ZNF521: variants seen among roughly 807,000 people sequenced by gnomAD.
The protein encoded by ZNF521 is zinc finger protein 521.
In ZNF521, 14 loss-of-function variants were observed where a neutral mutation model predicts 105.5. That is an observed-to-expected ratio of 0.13 (90% CI 0.09 to 0.21). ZNF521 has a LOEUF of 0.21. ZNF521 is among the 10% of genes least tolerant of loss of function. ZNF521 has a pLI of 1.00. For synonymous variants in ZNF521, 635 were observed against 606.0 expected (o/e 1.05, Z -0.70); for missense variants, 1,233 against 1,629.7 (o/e 0.76, Z 4.19).
intron 3 of ZNF521, among the ~76,000 whole-genome samples, chr18:25,231,296 A>G (rs1041874124): frequency 6.6e-6 from 1 of 152,182 alleles, no homozygotes; most frequent in Non-Finnish European, 1.5e-5. Context: ...GCCTAAAAGG[A>G]CGAAACAACA....
At chr18:25,148,157 G>GA (rs1249060333) in intron 5 of ZNF521, among the ~76,000 whole-genome samples, 1 of 151,984 alleles carries the variant, frequency 6.6e-6, no homozygotes, top group East Asian at 1.9e-4. Flanking sequence ...ATATAAATGG[G>GA]AAAAAAGACT....
At chr18:25,083,814 G>C (rs2033558434) in intron 7 of ZNF521, among the ~76,000 whole-genome samples, 1 of 151,696 alleles carries the variant, frequency 6.6e-6, no homozygotes, top group African/African-American at 2.4e-5. Flanking sequence ...CTGTCGCCCA[G>C]GCTGGAGTGC....
chr18:25,246,251 G>C (rs1907712491), intron 3 of ZNF521, among the ~76,000 whole-genome samples: 3 of 151,834 alleles, frequency 2.0e-5, no homozygotes, highest in African/African-American at 4.8e-5. Flanking sequence ...TAAAAAAAAA[G>C]AAAGTCTTAT....
intron 3 of ZNF521, among the ~76,000 whole-genome samples, chr18:25,235,447 C>T (rs1013425326): frequency 3.3e-5 from 5 of 152,068 alleles, no homozygotes; most frequent in Admixed American, 6.5e-5. Flanking sequence ...TAGGGAATGA[C>T]GGATCTTAGA....
At position 25,120,595 on chromosome 18, in the gene ZNF521, A is replaced by AACAT. The variant is rs1567970592; in HGVS notation, c.3659-28515_3659-28514insATGT. Among the ~76,000 whole-genome samples, 4 of 136,266 alleles carry AACAT rather than the reference A, an allele frequency of 2.9e-5. No homozygotes were observed. The Admixed American group carries it at 3.0e-4, about 10-fold the overall frequency. 89.4% of individuals were successfully genotyped at this position (136,266 alleles called of 152,430 possible). ...CAAAACTCCATCTAAAAAAAAAAAAAAAAAAAACCACAAACAAACAAACAA... is the reference window on the plus strand; with the variant it reads ...CAAAACTCCATCTAAAAAAAAAAAAAACATAAAAAAACCACAAACAAACAAACAA... On this transcript the variant is annotated intron_variant, in intron 5 of 7. Transcript: ENST00000361524.
intron 2 of ZNF521, among the ~76,000 whole-genome samples, chr18:25,350,316 G>A (rs1053445869): frequency 4.6e-5 from 7 of 151,750 alleles, no homozygotes; most frequent in Middle Eastern, 3.4e-3. Context: ...CCGAGCCGGG[G>A]TCCGGTGCCC....
At chr18:25,212,315 G>C (rs1011426237) in intron 4 of ZNF521, among the ~76,000 whole-genome samples, 1 of 150,900 alleles carries the variant, frequency 6.6e-6, no homozygotes, top group Admixed American at 6.6e-5. Context: ...TTCGAGACCA[G>C]CCTGGCCAAC....
chr18:25,346,416 C>T (rs377017563), intron 2 of ZNF521, among the ~76,000 whole-genome samples: 8 of 152,256 alleles, frequency 5.3e-5, no homozygotes, highest in African/African-American at 1.4e-4. Context: ...CCAGTACAAG[C>T]TCCCTGAGGT....
intron 5 of ZNF521, among the ~76,000 whole-genome samples, chr18:25,147,308 A>G (rs1466130214): frequency 1.3e-5 from 2 of 152,178 alleles, no homozygotes; most frequent in South Asian, 2.1e-4. Context: ...TACATATTTT[A>G]TAAGGAAGTT....
rs532753651 is a variant in ZNF521 at position 25,146,530 on chromosome 18, T to C, written c.3658+48630A>G. On this transcript the variant is annotated intron_variant, in intron 5 of 7. Coordinates refer to ENST00000361524, the MANE Select transcript of ZNF521 (RefSeq NM_015461.3). Reference sequence around the variant, plus strand: ...AATGAGCATCTTTTATGCCATGACATTGGTTTCTCTGAAAAAAGGCTACTC... The same window carrying C: ...AATGAGCATCTTTTATGCCATGACACTGGTTTCTCTGAAAAAAGGCTACTC... Among the ~76,000 whole-genome samples the C allele has an allele frequency of 8.2e-4, 125 of 152,266 alleles. 5 individuals are homozygous for C. The South Asian group carries it at 0.024, about 30-fold the overall frequency.
chr18:25,252,330 A>G (rs1232769705), intron 3 of ZNF521, among the ~76,000 whole-genome samples: 1 of 152,194 alleles, frequency 6.6e-6, no homozygotes, highest in Non-Finnish European at 1.5e-5. Flanking sequence ...AATGAGACCA[A>G]TTAACTTCAT....
Position 25,316,893 on chromosome 18 carries a change from C to T in ZNF521, c.220+5115G>A, listed in dbSNP as rs1006713684. ...TTTTGAGACAGAGTTTCACTCTTGT[C>T]GCCTAGGCTAGAGAGCAATGACACG... On this transcript the variant is annotated intron_variant, in intron 3 of 7. Coordinates refer to ENST00000361524, the MANE Select transcript of ZNF521 (RefSeq NM_015461.3). Among the ~76,000 whole-genome samples, 15 of 142,108 alleles carry T rather than the reference C, an allele frequency of 1.1e-4. No homozygotes were observed. In the South Asian group the frequency reaches 1.4e-3, roughly 13 times the overall value. The allele number at this position is 142,108 out of a possible 152,430, so 93.2% of individuals were successfully genotyped here.
intron 4 of ZNF521, among the ~76,000 whole-genome samples, chr18:25,207,604 CAGAG>C (rs1162803270): frequency 6.6e-6 from 1 of 152,176 alleles, no homozygotes; most frequent in Non-Finnish European, 1.5e-5. Flanking sequence ...CACTGCCTGA[CAGAG>C]AGCATTTGTG....
At chr18:25,145,029 ACTGT>A (rs774539076) in intron 5 of ZNF521, among the ~76,000 whole-genome samples, 9 of 152,154 alleles carry the variant, frequency 5.9e-5, no homozygotes, top group Non-Finnish European at 1.2e-4. Flanking sequence ...GCTGCAGATG[ACTGT>A]CTGTGGAACT....
chr18:25,348,994 G>A (rs950821064), intron 2 of ZNF521, among the ~76,000 whole-genome samples: 4 of 152,130 alleles, frequency 2.6e-5, no homozygotes, highest in South Asian at 2.1e-4. Flanking sequence ...CCAAAAGCAG[G>A]TGAACCAAAT....
At position 25,149,154 on chromosome 18, in the gene ZNF521, G is replaced by C. The variant is rs546182440; in HGVS notation, c.3658+46006C>G. On this transcript the variant is annotated intron_variant, in intron 5 of 7. Transcript: ENST00000361524. ...ACACAGGATGAAGCATTAAGGCACAGGTCTTTGTCCATGTAGCTGCTGAAC... is the reference window on the plus strand; with the variant it reads ...ACACAGGATGAAGCATTAAGGCACACGTCTTTGTCCATGTAGCTGCTGAAC... Among the ~76,000 whole-genome samples the C allele has an allele frequency of 2.6e-5, 4 of 152,282 alleles. No individual in the cohort carries two copies. In the South Asian group the frequency reaches 8.3e-4, roughly 32 times the overall value.
chr18:25,314,351 C>T (rs894269649), intron 3 of ZNF521, among the ~76,000 whole-genome samples: 1 of 152,142 alleles, frequency 6.6e-6, no homozygotes, highest in Non-Finnish European at 1.5e-5. Context: ...TTGCCACAAC[C>T]ATATGACACA....
At chr18:25,317,752 AAT>A (rs1013264412) in intron 3 of ZNF521, among the ~76,000 whole-genome samples, 3 of 152,210 alleles carry the variant, frequency 2.0e-5, no homozygotes, top group African/African-American at 7.2e-5. Flanking sequence ...AAGTCAATTA[AAT>A]ATATATGAGC....
intron 7 of ZNF521, 88 bp from the exon 8 acceptor site, chr18:25,062,829 G>T: frequency 8.0e-7 from 1 of 1,245,152 alleles, no homozygotes; most frequent in South Asian, 1.4e-5. Flanking sequence ...ATTTTCATCA[G>T]ACCAAGCATA....
Sources: gnomAD v4.1 joint callset for allele counts (sites outside exome capture counted in the v4.1 genomes callset) on GRCh38, gnomAD v4.1.1 for gene constraint, MANE v1.5 for transcripts, NCBI Gene and HGNC (gene_info 2026-07-23, HGNC 2026-07-21) for gene names.